PRDM16: variants seen among roughly 807,000 people sequenced by gnomAD.
The protein encoded by PRDM16 is PR/SET domain 16, also known as histone-lysine N-methyltransferase PRDM16.
Under a neutral mutation model 110.6 loss-of-function variants are expected in PRDM16, and 23 were observed. The ratio of observed to expected loss-of-function variants is 0.21; its 90% CI spans 0.15 to 0.29. PRDM16 has a LOEUF of 0.29. PRDM16 is among the 10% of genes least tolerant of loss of function. The probability of loss-of-function intolerance (pLI) is 1.00; values close to 1 mark genes in which losing one functional copy is unlikely to be tolerated. For missense variants in PRDM16, 1,615 were observed against 1,794.3 expected (o/e 0.90, Z 1.81); for synonymous variants, 799 against 781.8 (o/e 1.02, Z -0.37).
At position 3,433,971 on chromosome 1, in the gene PRDM16, A is replaced by G; in HGVS notation, c.*160A>G. 4.2e-6 allele frequency: 3 copies of G among 722,512 alleles called. No individual in the cohort carries two copies. The highest frequency in any genetic ancestry group is 6.7e-6 in the Non-Finnish European group (3 of 448,548). 44.8% of individuals were successfully genotyped at this position (722,512 alleles called of 1,614,324 possible). On this transcript the variant is annotated 3_prime_UTR_variant, in exon 17 of 17. Transcript: ENST00000270722. Reference sequence around the variant, plus strand: ...TCCGACTTTTCCAATGGAAACTCAGATCCCAAAAGTCCCTAAAGCAGTCGT... The same window carrying G: ...TCCGACTTTTCCAATGGAAACTCAGGTCCCAAAAGTCCCTAAAGCAGTCGT...
chr1:3,222,396 T>C (rs922758295), intron 2 of PRDM16, among the ~76,000 whole-genome samples: 4 of 152,300 alleles, frequency 2.6e-5, no homozygotes, highest in African/African-American at 9.6e-5. Flanking sequence ...TCTTTTTTGC[T>C]GAGGAAGGTC....
intron 3 of PRDM16, among the ~76,000 whole-genome samples, chr1:3,327,525 C>T (rs1227070200): frequency 1.3e-5 from 2 of 152,222 alleles, no homozygotes; most frequent in Non-Finnish European, 1.5e-5. Context: ...TTCTGTTGCC[C>T]GGCAGAAAGT....
rs1006725719 is a variant in PRDM16 at position 3,339,740 on chromosome 1, G to A, written c.439-45412G>A. On this transcript the variant is annotated intron_variant, in intron 3 of 16. Transcript: ENST00000270722. This position sits in a 1 kb window ranked among gnomAD's most constrained non-coding sequence, Gnocchi z 5.0. Reference sequence around the variant, plus strand: ...CTCAGCCTCCCTCAGAACTGTGGGAGACGGGGCTAAACTCCCCCCTCACCT... The same window carrying A: ...CTCAGCCTCCCTCAGAACTGTGGGAAACGGGGCTAAACTCCCCCCTCACCT... Among the ~76,000 whole-genome samples the A allele has an allele frequency of 6.6e-6, 1 of 152,150 alleles. No individual in the cohort carries two copies. The highest frequency in any genetic ancestry group is 1.5e-5 in the Non-Finnish European group (1 of 68,016).
intron 3 of PRDM16, among the ~76,000 whole-genome samples, chr1:3,374,824 C>G (rs116271360): frequency 5.9e-5 from 9 of 152,214 alleles, no homozygotes; most frequent in Non-Finnish European, 1.2e-4. Flanking sequence ...CTTGACTATC[C>G]GGAAGACCCA....
Position 3,359,931 on chromosome 1 carries a change from C to T in PRDM16, c.439-25221C>T, listed in dbSNP as rs539331378. ...TGCACGCAAAGACGGCAGCCAGCTC[C>T]TCACAGAAGGCCGCCCGGCTCAGAA... On this transcript the variant is annotated intron_variant, in intron 3 of 16. Coordinates refer to ENST00000270722, the MANE Select transcript of PRDM16 (RefSeq NM_022114.4). This position sits in a 1 kb window ranked among gnomAD's most constrained non-coding sequence, Gnocchi z 4.3. Among the ~76,000 whole-genome samples, 7 of 152,226 alleles carry T rather than the reference C, an allele frequency of 4.6e-5. No homozygotes were observed. The highest frequency in any genetic ancestry group is 8.8e-5 in the Non-Finnish European group (6 of 68,042).
chr1:3,124,731 G>A (rs555285952), intron 1 of PRDM16, among the ~76,000 whole-genome samples: 2 of 152,286 alleles, frequency 1.3e-5, no homozygotes, highest in South Asian at 2.1e-4. Flanking sequence ...ACAGCCCCTC[G>A]AAGCCCCCCT....
intron 3 of PRDM16, among the ~76,000 whole-genome samples, chr1:3,364,866 G>A (rs1218914274): frequency 6.6e-6 from 1 of 152,200 alleles, no homozygotes; most frequent in African/African-American, 2.4e-5. Flanking sequence ...GGACCCTGTG[G>A]TTTCTGGGTG....
rs150652763 is a variant in PRDM16, at chr1:3,337,317, C to T, written c.439-47835C>T. 1.7e-3 allele frequency among the ~76,000 whole-genome samples: 266 copies of T among 152,330 alleles called. 1 individual carries two copies. Among genetic ancestry groups the T allele is most frequent in the South Asian group, 9.3e-3 (45 of 4,826 alleles). On this transcript the variant is annotated intron_variant, in intron 3 of 16. Coordinates refer to ENST00000270722, the MANE Select transcript of PRDM16 (RefSeq NM_022114.4). The stretch of plus-strand genomic sequence containing the variant: ...CAGGAGACAGGAGAGAAAGGCCCCA[C>T]CTGAGAGCTGGCACATTCTTCTCCC...
Position 3,382,065 on chromosome 1 carries a change from G to A in PRDM16, c.439-3087G>A, listed in dbSNP as rs1410016747. Among the ~76,000 whole-genome samples the A allele has an allele frequency of 6.6e-6, 1 of 152,254 alleles. No individual in the cohort carries two copies. On this transcript the variant is annotated intron_variant, in intron 3 of 16. Coordinates refer to ENST00000270722, the MANE Select transcript of PRDM16 (RefSeq NM_022114.4). This position sits in a 1 kb window ranked among gnomAD's most constrained non-coding sequence, Gnocchi z 6.6. ...GGGCTGCCGACCACAGCTCTGGCTT[G>A]GCGGGCCTTTCCAGCGGTTTCCTGC...
intron 1 of PRDM16, among the ~76,000 whole-genome samples, chr1:3,162,888 TG>T (rs1569728127): frequency 2.7e-5 from 4 of 145,924 alleles, no homozygotes; most frequent in East Asian, 4.3e-4. Context: ...AGAGGGGATG[TG>T]CGCAGAAGCC....
chr1:3,434,198 A>G lies in PRDM16; in HGVS notation c.*387A>G. 1 of 256,624 alleles carries G rather than the reference A, an allele frequency of 3.9e-6. No homozygotes were observed. The highest frequency in any genetic ancestry group is 7.5e-6 in the Non-Finnish European group (1 of 133,974). The allele number at this position is 256,624 out of a possible 1,614,324, so 15.9% of individuals were successfully genotyped here. A position where few individuals can be genotyped will look rare whatever the true frequency, so the allele number is the denominator to read the frequency against. ...AGGGAATGGATAGACTGGTGTGCTC[A>G]AAAGAGAGAGATCACTCAAATGATT... On this transcript the variant is annotated 3_prime_UTR_variant, in exon 17 of 17. Coordinates refer to ENST00000270722, the MANE Select transcript of PRDM16 (RefSeq NM_022114.4).
intron 1 of PRDM16, among the ~76,000 whole-genome samples, chr1:3,100,378 G>C (rs917537940): frequency 1.6e-4 from 25 of 152,202 alleles, no homozygotes; most frequent in African/African-American, 5.8e-4. Flanking sequence ...TCTTCCAGTG[G>C]GTGGCTGAGC....
chr1:3,194,681 T>TCGCCACACGCCACCGTCTCCC (rs1638415898), intron 2 of PRDM16, among the ~76,000 whole-genome samples: 6 of 99,044 alleles, frequency 6.1e-5, no homozygotes, highest in Admixed American at 1.9e-4. Context: ...CACCGTCTGA[T>TCGCCACACGCCACCGTCTCCC]CGCCACACGC....
chr1:3,138,768 C>T (rs1042108475), intron 1 of PRDM16, among the ~76,000 whole-genome samples: 1 of 152,200 alleles, frequency 6.6e-6, no homozygotes, highest in East Asian at 1.9e-4. Flanking sequence ...TGCTCAGGGT[C>T]ACGTTGGTCA....
intron 3 of PRDM16, among the ~76,000 whole-genome samples, chr1:3,369,553 T>G (rs549456579): frequency 1.3e-5 from 2 of 152,316 alleles, no homozygotes; most frequent in South Asian, 4.1e-4. Context: ...ATGGGCTGAT[T>G]CGTTCCAGTT....
rs557357592 is a variant in PRDM16 at position 3,425,140 on chromosome 1, T to A, written c.2940-441T>A. On this transcript the variant is annotated intron_variant, in intron 12 of 16. Coordinates refer to ENST00000270722, the MANE Select transcript of PRDM16 (RefSeq NM_022114.4). The surrounding 1 kb of genome is among the most constrained non-coding windows in gnomAD (Gnocchi z 6.9). ...TCGCCCAGGCTGGAGTGCGGTGGCG[T>A]GATCTTGGCTCACTGCAAGCTCCGC... 6.7e-6 allele frequency: 1 copy of A among 149,834 alleles called. No homozygotes were observed. The highest frequency in any genetic ancestry group is 2.5e-5 in the African/African-American group (1 of 39,946). The allele number at this position is 149,834 out of a possible 1,614,324, so 9.3% of individuals were successfully genotyped here. A position where few individuals can be genotyped will look rare whatever the true frequency, so the allele number is the denominator to read the frequency against.
intron 3 of PRDM16, among the ~76,000 whole-genome samples, chr1:3,304,689 G>A (rs898240257): frequency 6.6e-6 from 1 of 152,104 alleles, no homozygotes; most frequent in Non-Finnish European, 1.5e-5. Context: ...GGGCAGTGTC[G>A]GTGTCTCTGT....
intron 2 of PRDM16, among the ~76,000 whole-genome samples, chr1:3,224,501 T>C (rs566732627): frequency 1.3e-4 from 20 of 152,114 alleles, no homozygotes; most frequent in African/African-American, 4.8e-4. Context: ...CCTCTCCCCT[T>C]CTGCACGCAC....
chr1:3,349,708 G>A (rs1242691395), intron 3 of PRDM16, among the ~76,000 whole-genome samples: 1 of 152,108 alleles, frequency 6.6e-6, no homozygotes, highest in African/African-American at 2.4e-5. Context: ...ATGCACCCCG[G>A]CTTCCTGCGC....
Sources: gnomAD v4.1 joint callset for allele counts (sites outside exome capture counted in the v4.1 genomes callset) on GRCh38, gnomAD v4.1.1 for gene constraint, Gnocchi (gnomAD v3.1) non-coding constraint, MANE v1.5 for transcripts, NCBI Gene and HGNC (gene_info 2026-07-23, HGNC 2026-07-21) for gene names.